The following PSAT1 variants were observed in gnomAD, a reference collection of about 807,000 sequenced individuals.
The protein encoded by PSAT1 is phosphoserine aminotransferase.
Under a neutral mutation model 40.3 loss-of-function variants are expected in PSAT1, and 41 were observed. The observed-to-expected ratio is 1.02, with a 90% CI of 0.79 to 1.32. The LOEUF (loss-of-function observed/expected upper bound fraction) is 1.32, where lower values mean the gene tolerates loss of function less well. PSAT1 is among the 40% of genes most tolerant of loss of function. The pLI, the probability that PSAT1 is intolerant of heterozygous loss-of-function variation, is 0.00. For synonymous variants in PSAT1, 147 were observed against 170.5 expected, an observed-to-expected ratio of 0.86 and a Z score of 1.07; for missense variants, 406 against 455.8, an observed-to-expected ratio of 0.89 and a Z score of 0.99.
chr9:78,328,983 C>G lies in PSAT1; in HGVS notation c.1010C>G (p.Ser337Cys). The change falls in exon 9 of 9, where the codon TCT becomes TGT. Residue 337 changes from serine (S) to cysteine (C), a missense_variant and splice_region_variant. Physicochemically the swap from Ser to Cys is moderately radical, Grantham distance 112 (BLOSUM62 -1). Coordinates refer to ENST00000376588, the MANE Select transcript of PSAT1 (RefSeq NM_058179.4). ...LNMLSLKGHR[S>C]VGGIRASLYN... ...GCCTGGATCTTTGGTCATTCTAGGT[C>G]TGTGGGAGGCATCCGGGCCTCTCTG... 4.3e-6 allele frequency: 7 copies of G among 1,612,758 alleles called. No homozygotes were observed. Among genetic ancestry groups the G allele is most frequent in the Non-Finnish European group, 5.9e-6 (7 of 1,178,836 alleles).
Position 78,306,683 on chromosome 9 carries a change from C to T in PSAT1, c.570+197C>T, listed in dbSNP as rs10116231. Among the ~76,000 whole-genome samples, 63,685 of 152,082 alleles carry T rather than the reference C, an allele frequency of 0.42. 14,757 individuals carry two copies. The highest frequency in any genetic ancestry group is 0.53 in the Middle Eastern group (156 of 294). ...GCCTGAGTCCTGCTGTTCCCAGCCTCGTGGTGATGTTTGCCTCACAGGGTC... is the reference window on the plus strand; with the variant it reads ...GCCTGAGTCCTGCTGTTCCCAGCCTTGTGGTGATGTTTGCCTCACAGGGTC... On this transcript the variant is annotated intron_variant, in intron 5 of 8. Coordinates refer to ENST00000376588, the MANE Select transcript of PSAT1 (RefSeq NM_058179.4).
At position 78,317,690 on chromosome 9, in the gene PSAT1, G is replaced by C; in HGVS notation, c.755G>C (p.Gly252Ala). 1 of 1,613,824 alleles carries C rather than the reference G, an allele frequency of 6.2e-7. No individual in the cohort carries two copies. The highest frequency in any genetic ancestry group is 8.5e-7 in the Non-Finnish European group (1 of 1,179,858). ...CTTCATTTTAGCATCTACGTCATGG[G>C]CTTGGTTCTGGAGTGGATTAAAAAC... ...TPPCFSIYVMGLVLEWIKNNG... is the reference protein window; with the variant it reads ...TPPCFSIYVMALVLEWIKNNG... Residue 252 changes from glycine (G) to alanine (A), a missense_variant, in exon 7 of 9, where the codon GGC becomes GCC. Coordinates refer to ENST00000376588, the MANE Select transcript of PSAT1 (RefSeq NM_058179.4).
At position 78,306,337 on chromosome 9, in the gene PSAT1, A is replaced by G; in HGVS notation, c.421A>G (p.Asn141Asp). Residue 141 changes from asparagine (N) to aspartate (D), a missense_variant, in exon 5 of 9, where the codon AAC becomes GAC. Asn to Asp is a conservative substitution (Grantham distance 23). Transcript: ENST00000376588. ...YTKIPDPSTW[N>D]LNPDASYVYY... ...AGAAATTCCAGATCCAAGCACCTGG[A>G]ACCTCAACCCAGATGCCTCCTACGT... 6.2e-7 allele frequency: 1 copy of G among 1,612,394 alleles called. No individual in the cohort carries two copies. Among genetic ancestry groups the G allele is most frequent in the Non-Finnish European group, 8.5e-7 (1 of 1,179,932 alleles).
Position 78,329,281 on chromosome 9 carries a change from C to G in PSAT1, c.*195C>G, listed in dbSNP as rs1828547284. 1.8e-6 allele frequency: 1 copy of G among 565,818 alleles called. No individual in the cohort carries two copies. Among genetic ancestry groups the G allele is most frequent in the Non-Finnish European group, 3.1e-6 (1 of 318,930 alleles). The allele number at this position is 565,818 out of a possible 1,614,324, so 35.0% of individuals were successfully genotyped here. On this transcript the variant is annotated 3_prime_UTR_variant, in exon 9 of 9. Transcript: ENST00000376588. ...GGTGGGACCTAATGTCACCTTAATT[C>G]TGACTTGAACTGGAAGCATTTTAAG...
intron 5 of PSAT1, 33 bp from the exon 6 acceptor site, chr9:78,308,381 C>A (rs760378082): frequency 2.5e-6 from 4 of 1,609,200 alleles, no homozygotes; most frequent in Non-Finnish European, 3.4e-6. Context: ...ATGGCCAAAT[C>A]CTTCTTAAGC....
chr9:78,308,407 T>G lies in PSAT1; in HGVS notation c.571-7T>G. 1 of 1,612,888 alleles carries G rather than the reference T, an allele frequency of 6.2e-7. No individual in the cohort carries two copies. Among genetic ancestry groups the G allele is most frequent in the East Asian group, 2.2e-5 (1 of 44,882 alleles). On this transcript the variant is annotated splice_region_variant and splice_polypyrimidine_tract_variant and intron_variant, in intron 5 of 8. Coordinates refer to ENST00000376588, the MANE Select transcript of PSAT1 (RefSeq NM_058179.4). ...CTTCTTAAGCAGCATGTCTTTCTCT[T>G]TTTAAGTTTGGTGTGATTTTTGCTG...
At chr9:78,310,253 C>T (rs1291790411) in intron 6 of PSAT1, among the ~76,000 whole-genome samples, 2 of 152,182 alleles carry the variant, frequency 1.3e-5, no homozygotes, top group African/African-American at 2.4e-5. Flanking sequence ...AGTGAGGAAG[C>T]CGAGGTCATA....
At position 78,298,407 on chromosome 9, in the gene PSAT1, G is replaced by A. The variant is rs1048699033; in HGVS notation, c.60+1137G>A. On this transcript the variant is annotated intron_variant, in intron 1 of 8. Transcript: ENST00000376588. Reference sequence around the variant, plus strand: ...CCTCCTCTGTGTTGTGGTAAGAACAGAGAATCCAATTTTAAAGGGGAAAGG... The same window carrying A: ...CCTCCTCTGTGTTGTGGTAAGAACAAAGAATCCAATTTTAAAGGGGAAAGG... The A allele has an allele frequency of 7.0e-5, 69 of 985,314 alleles. 1 individual carries two copies. Among genetic ancestry groups the A allele is most frequent in the Admixed American group, 1.2e-4 (2 of 16,278 alleles). 61.0% of individuals were successfully genotyped at this position (985,314 alleles called of 1,614,324 possible).
At chr9:78,300,711 T>G (rs1828095282) in intron 2 of PSAT1, 49 bp downstream of exon 2, 2 of 59,410 alleles carry the variant, frequency 3.4e-5, no homozygotes, top group Non-Finnish European at 5.2e-5. Context: ...CAAAGGAAGC[T>G]TTTTTTTTTT....
chr9:78,310,567 G>A (rs1391728298), intron 6 of PSAT1, among the ~76,000 whole-genome samples: 3 of 152,010 alleles, frequency 2.0e-5, no homozygotes, highest in Non-Finnish European at 4.4e-5. Flanking sequence ...TCCTCCAGGT[G>A]CTGCTTAGGG....
chr9:78,320,203 A>G (rs929083486), intron 7 of PSAT1, among the ~76,000 whole-genome samples: 1 of 151,220 alleles, frequency 6.6e-6, no homozygotes, highest in African/African-American at 2.4e-5. Flanking sequence ...CCATCCACCC[A>G]TCTATCCACC....
chr9:78,299,226 A>G (rs1828072133), intron 1 of PSAT1, among the ~76,000 whole-genome samples: 1 of 140,666 alleles, frequency 7.1e-6, no homozygotes. Flanking sequence ...AAAAAAACCT[A>G]CTGGATTAGG....
intron 1 of PSAT1, chr9:78,298,255 G>A (rs544660075): frequency 2.0e-6 from 2 of 983,046 alleles, no homozygotes; most frequent in Non-Finnish European, 1.2e-6. Context: ...GGCGGCTGCC[G>A]CCGCCGTTAG....
Position 78,308,436 on chromosome 9 carries a change from C to T in PSAT1, c.593C>T (p.Ala198Val). 1 of 1,613,722 alleles carries T rather than the reference C, an allele frequency of 6.2e-7. No homozygotes were observed. The highest frequency in any genetic ancestry group is 2.2e-5 in the East Asian group (1 of 44,882). The change falls in exon 6 of 9, where the codon GCC (alanine) becomes GTC (valine). Residue 198 changes from alanine (A) to valine (V), a missense_variant. Physicochemically the swap from Ala to Val is moderately conservative, Grantham distance 64. Coordinates refer to ENST00000376588, the MANE Select transcript of PSAT1 (RefSeq NM_058179.4). ...AAGTTTGGTGTGATTTTTGCTGGTG[C>T]CCAGAAGAATGTTGGCTCTGCTGGG... Reference protein sequence around the residue: ...VSKFGVIFAGAQKNVGSAGVT... With the variant: ...VSKFGVIFAGVQKNVGSAGVT...
chr9:78,306,906 C>T (rs1448992586), intron 5 of PSAT1, among the ~76,000 whole-genome samples: 1 of 152,154 alleles, frequency 6.6e-6, no homozygotes, highest in Non-Finnish European at 1.5e-5. Context: ...GAGTGGCTTG[C>T]CAAGGCAGGG....
rs371935677 is a variant in PSAT1 at position 78,317,727 on chromosome 9, C to T, written c.792C>T (p.Ala264=). 35 of 1,613,536 alleles carry T rather than the reference C, an allele frequency of 2.2e-5. No homozygotes were observed. Among genetic ancestry groups the T allele is most frequent in the Middle Eastern group, 1.7e-4 (1 of 6,036 alleles). ...VLEWIKNNGG[A]AAMEKLSSIK... Reference sequence around the variant, plus strand: ...AGTGGATTAAAAACAATGGAGGTGCCGCGGCCATGGAGAAGCTTAGCTCCA... The same window carrying T: ...AGTGGATTAAAAACAATGGAGGTGCTGCGGCCATGGAGAAGCTTAGCTCCA... The change falls in exon 7 of 9, where the codon GCC becomes GCT. Residue 264 remains alanine (A), a synonymous_variant. Coordinates refer to ENST00000376588, the MANE Select transcript of PSAT1 (RefSeq NM_058179.4).
chr9:78,320,343 T>TCTGC, intron 7 of PSAT1, among the ~76,000 whole-genome samples: 1 of 146,744 alleles, frequency 6.8e-6, no homozygotes. Context: ...CATCTATCCA[T>TCTGC]CCATCCATCC....
At chr9:78,323,852 G>A (rs1050124138) in intron 7 of PSAT1, among the ~76,000 whole-genome samples, 2 of 152,104 alleles carry the variant, frequency 1.3e-5, no homozygotes, top group African/African-American at 4.8e-5. Context: ...GGCCTACATA[G>A]GGTTGCATTT....
intron 1 of PSAT1, among the ~76,000 whole-genome samples, chr9:78,297,607 C>A (rs557167577): frequency 2.5e-4 from 38 of 152,300 alleles, no homozygotes; most frequent in African/African-American, 8.9e-4. Context: ...TGGGCCGGTC[C>A]GGGGGCTGGG....
Sources: allele counts gnomAD v4.1 joint callset (sites outside exome capture counted in the v4.1 genomes callset), GRCh38; gene constraint gnomAD v4.1.1; transcripts MANE v1.5; gene names NCBI Gene and HGNC (gene_info 2026-07-23, HGNC 2026-07-21).